The following RBMS3 variants were observed in gnomAD, a reference collection of about 807,000 sequenced individuals.
The protein encoded by RBMS3 is RNA binding motif single stranded interacting protein 3, also known as RNA-binding motif, single-stranded-interacting protein 3.
A neutral mutation model predicts 66.8 loss-of-function variants in RBMS3; 27 were observed. That is an observed-to-expected ratio of 0.40 (90% confidence interval 0.30 to 0.56). The LOEUF (loss-of-function observed/expected upper bound fraction) is 0.56. Ranked by LOEUF, RBMS3 falls within the 20% of genes least tolerant of loss-of-function variation. The probability of loss-of-function intolerance (pLI) is 0.40; values close to 1 mark genes in which losing one functional copy is unlikely to be tolerated. For missense variants in RBMS3, 513 were observed against 549.5 expected (o/e 0.93, Z 0.66); for synonymous variants, 188 against 183.0 (o/e 1.03, Z -0.22).
chr3:29,743,469 C>T (rs2054730001), intron 5 of RBMS3, among the ~76,000 whole-genome samples: 1 of 152,136 alleles, frequency 6.6e-6, no homozygotes, highest in Non-Finnish European at 1.5e-5. Context: ...TTCAGTGCTT[C>T]CTAAAAACTT....
intron 4 of RBMS3, among the ~76,000 whole-genome samples, chr3:29,671,281 C>T (rs1015260255): frequency 1.3e-5 from 2 of 152,178 alleles, no homozygotes; most frequent in African/African-American, 4.8e-5. Flanking sequence ...TGTGGGTCAC[C>T]ATCATCAAAG....
At chr3:29,610,738 G>A (rs765332587) in intron 4 of RBMS3, among the ~76,000 whole-genome samples, 3 of 151,984 alleles carry the variant, frequency 2.0e-5, no homozygotes, top group Non-Finnish European at 4.4e-5. Context: ...ACACTCGCTG[G>A]TCTCATTCTT....
At chr3:29,784,546 G>C (rs764550423) in intron 6 of RBMS3, among the ~76,000 whole-genome samples, 1 of 152,028 alleles carries the variant, frequency 6.6e-6, no homozygotes, top group Non-Finnish European at 1.5e-5. Flanking sequence ...GGTGCTAAGA[G>C]GAAAGTTCAT....
chr3:29,500,066 CTTT>C (rs766636744), intron 3 of RBMS3, among the ~76,000 whole-genome samples: 1 of 108,414 alleles, frequency 9.2e-6, no homozygotes. Flanking sequence ...GAAGGATTTT[CTTT>C]TTTTTTTTTT....
intron 1 of RBMS3, among the ~76,000 whole-genome samples, chr3:29,325,645 T>TAC (rs139930927): frequency 0.32 from 47,012 of 146,492 alleles, 7,592 homozygotes; most frequent in East Asian, 0.5. Context: ...TATATACACA[T>TAC]ACACACACAC....
intron 10 of RBMS3, among the ~76,000 whole-genome samples, chr3:29,926,430 T>A (rs752924070): frequency 1.1e-4 from 16 of 152,142 alleles, no homozygotes; most frequent in Non-Finnish European, 1.9e-4. Context: ...AGCCAAAAAT[T>A]GAGGTGCCTT....
chr3:29,491,763 A>T (rs1188538449), intron 3 of RBMS3, among the ~76,000 whole-genome samples: 1 of 152,098 alleles, frequency 6.6e-6, no homozygotes, highest in Non-Finnish European at 1.5e-5. Flanking sequence ...GGAGGCCAAG[A>T]TGGGCGGATC....
chr3:29,351,004 A>G (rs563886832), intron 1 of RBMS3, among the ~76,000 whole-genome samples: 14 of 151,740 alleles, frequency 9.2e-5, no homozygotes, highest in Non-Finnish European at 1.8e-4. Flanking sequence ...TATTATGTGT[A>G]TATATATATA....
At chr3:29,546,981 T>A (rs142050615) in intron 3 of RBMS3, among the ~76,000 whole-genome samples, 47 of 152,332 alleles carry the variant, frequency 3.1e-4, no homozygotes, top group African/African-American at 1.1e-3. Flanking sequence ...TTTATATTAT[T>A]ACTGTATTTT....
chr3:29,282,226 TGAAA>T (rs1348841223), intron 1 of RBMS3, among the ~76,000 whole-genome samples: 1 of 152,064 alleles, frequency 6.6e-6, no homozygotes, highest in African/African-American at 2.4e-5. Flanking sequence ...GGGTATAGAA[TGAAA>T]GAAGGGTGTG....
chr3:29,372,459 A>G lies in RBMS3; in HGVS notation c.76-62284A>G, dbSNP rs549478575. On this transcript the variant is annotated intron_variant, in intron 1 of 14. Transcript: ENST00000383767. ...TCATTAGTTTCCCCTTCTGATAAACAGGATGTTACCTAGTAAATAATAAAA... is the reference window on the plus strand; with the variant it reads ...TCATTAGTTTCCCCTTCTGATAAACGGGATGTTACCTAGTAAATAATAAAA... 2.6e-5 allele frequency among the ~76,000 whole-genome samples: 4 copies of G among 152,332 alleles called. No homozygotes were observed. In the East Asian group the frequency reaches 7.7e-4, roughly 29 times the overall value.
At chr3:29,438,417 G>T (rs2041482959) in intron 2 of RBMS3, among the ~76,000 whole-genome samples, 1 of 151,976 alleles carries the variant, frequency 6.6e-6, no homozygotes, top group African/African-American at 2.4e-5. Flanking sequence ...CCATGTTAAT[G>T]CTAATGAACG....
chr3:29,890,638 A>G (rs757908954), intron 8 of RBMS3, among the ~76,000 whole-genome samples: 18 of 151,652 alleles, frequency 1.2e-4, no homozygotes, highest in Non-Finnish European at 2.5e-4. Flanking sequence ...TGCTCACGTC[A>G]TATTAGGAAC....
chr3:29,773,088 A>G (rs1056109607), intron 6 of RBMS3, among the ~76,000 whole-genome samples: 8 of 151,966 alleles, frequency 5.3e-5, no homozygotes, highest in Non-Finnish European at 7.4e-5. Flanking sequence ...AATAATTCCT[A>G]TTCTTGAAAA....
intron 2 of RBMS3, among the ~76,000 whole-genome samples, chr3:29,475,460 G>A (rs926459824): frequency 2.0e-5 from 3 of 152,014 alleles, no homozygotes; most frequent in African/African-American, 7.3e-5. Context: ...GTGTTGCTCA[G>A]GCTGGTCACG....
At chr3:29,724,549 C>T (rs1272068693) in intron 4 of RBMS3, among the ~76,000 whole-genome samples, 1 of 152,090 alleles carries the variant, frequency 6.6e-6, no homozygotes, top group Non-Finnish European at 1.5e-5. Flanking sequence ...CAGCTCATGC[C>T]TACTCAAAGT....
intron 6 of RBMS3, among the ~76,000 whole-genome samples, chr3:29,829,980 TA>T (rs71628537): frequency 0.093 from 13,942 of 149,284 alleles, 669 homozygotes; most frequent in East Asian, 0.16. Context: ...AGGGAATTAA[TA>T]AAAAAAAAAA....
chr3:29,294,291 A>G (rs1341607964), intron 1 of RBMS3, among the ~76,000 whole-genome samples: 1 of 151,840 alleles, frequency 6.6e-6, no homozygotes, highest in Non-Finnish European at 1.5e-5. Context: ...GTCCACATGG[A>G]TACAATCTCT....
chr3:29,532,610 A>T (rs1473339456), intron 3 of RBMS3, among the ~76,000 whole-genome samples: 1 of 152,116 alleles, frequency 6.6e-6, no homozygotes, highest in African/African-American at 2.4e-5. Context: ...GTGTGCCTGT[A>T]TCGTCGCTAC....
Sources: gnomAD v4.1 joint callset for allele counts (sites outside exome capture counted in the v4.1 genomes callset) on GRCh38, gnomAD v4.1.1 for gene constraint, MANE v1.5 for transcripts, NCBI Gene and HGNC (gene_info 2026-07-23, HGNC 2026-07-21) for gene names.